The following COL6A6 variants were observed in gnomAD, a reference collection of about 807,000 sequenced individuals.
COL6A6 encodes collagen alpha-6(VI) chain.
Under a neutral mutation model 208.6 loss-of-function variants are expected in COL6A6, and 183 were observed. The ratio of observed to expected loss-of-function variants is 0.88; its 90% CI spans 0.78 to 0.99. COL6A6 has a LOEUF of 0.99. COL6A6 is among the 50% of genes least tolerant of loss of function. The probability of loss-of-function intolerance (pLI) is 0.00; values close to 1 mark genes in which losing one functional copy is unlikely to be tolerated. For synonymous variants in COL6A6, 973 were observed against 1,011.8 expected (o/e 0.96, Z 0.73); for missense variants, 2,816 against 2,815.2 (o/e 1.00, Z -0.01).
At chr3:130,659,701 T>G (rs1258997690) in intron 34 of COL6A6, among the ~76,000 whole-genome samples, 1 of 152,230 alleles carries the variant, frequency 6.6e-6, no homozygotes, top group Non-Finnish European at 1.5e-5. Context: ...GTCTGCAGTT[T>G]ATGAAAAACA....
intron 1 of COL6A6, among the ~76,000 whole-genome samples, chr3:130,559,261 G>A (rs6808583): frequency 0.85 from 129,467 of 152,218 alleles, 55,568 homozygotes; most frequent in African/African-American, 0.9. Flanking sequence ...ACTACACATT[G>A]CCTCCTGACA....
chr3:130,525,219 G>A (rs904374922), intron 1 of COL6A6, among the ~76,000 whole-genome samples: 2 of 151,486 alleles, frequency 1.3e-5, no homozygotes, highest in African/African-American at 4.9e-5. Context: ...TGGAAAATGT[G>A]TGCTTCAAAA....
intron 26 of COL6A6, among the ~76,000 whole-genome samples, chr3:130,634,076 A>G (rs1003403077): frequency 7.7e-5 from 8 of 103,596 alleles, no homozygotes; most frequent in Non-Finnish European, 1.3e-4. Flanking sequence ...AAAAAAAAAA[A>G]TGCCAGTTAC....
chr3:130,593,006 ACTTCT>A, intron 15 of COL6A6, 50 bp from the exon 16 acceptor site: 1 of 1,500,084 alleles, frequency 6.7e-7, no homozygotes, highest in Non-Finnish European at 9.2e-7. Flanking sequence ...TTGGCATCTG[ACTTCT>A]TTACACATGC....
In COL6A6 at chr3:130,675,438, A is replaced by C; in HGVS notation, c.*41A>C. Reference sequence around the variant, plus strand: ...ACTTAGCCTTAGGAAGCATGGTAAGACTCTGGACTTAAATAGTAACTAAAT... The same window carrying C: ...ACTTAGCCTTAGGAAGCATGGTAAGCCTCTGGACTTAAATAGTAACTAAAT... On this transcript the variant is annotated 3_prime_UTR_variant, in exon 37 of 37. Transcript: ENST00000358511. The C allele has an allele frequency of 1.4e-6, 2 of 1,419,880 alleles. No homozygotes were observed. The highest frequency in any genetic ancestry group is 1.9e-6 in the Non-Finnish European group (2 of 1,057,588). The allele number at this position is 1,419,880 out of a possible 1,614,324, so 88.0% of individuals were successfully genotyped here.
intron 24 of COL6A6, among the ~76,000 whole-genome samples, chr3:130,622,344 C>T (rs75902100): frequency 1.1e-4 from 16 of 151,824 alleles, no homozygotes; most frequent in African/African-American, 3.9e-4. Context: ...GTCATTGATT[C>T]CATCCTCCAT....
chr3:130,581,483 C>G (rs1011977725), intron 8 of COL6A6, 78 bp from the exon 9 acceptor site: 1 of 1,026,214 alleles, frequency 9.7e-7, no homozygotes, highest in Non-Finnish European at 1.4e-6. Flanking sequence ...TTCCAAGTCC[C>G]TTGATTCAGA....
At chr3:130,569,247 G>A (rs992463601) in intron 6 of COL6A6, among the ~76,000 whole-genome samples, 16 of 152,186 alleles carry the variant, frequency 1.1e-4, no homozygotes, top group Admixed American at 5.2e-4. Flanking sequence ...TGATGTTTGC[G>A]AAAACACTTT....
chr3:130,564,679 C>T (rs2062973896), intron 3 of COL6A6, among the ~76,000 whole-genome samples: 1 of 152,200 alleles, frequency 6.6e-6, no homozygotes, highest in Non-Finnish European at 1.5e-5. Context: ...AATATGATAG[C>T]AATGGCTATG....
chr3:130,617,522 G>A (rs1451905934), intron 23 of COL6A6, among the ~76,000 whole-genome samples: 1 of 152,174 alleles, frequency 6.6e-6, no homozygotes, highest in Non-Finnish European at 1.5e-5. Flanking sequence ...CAATATGGTT[G>A]GAGTGTAGAA....
chr3:130,615,665 A>G (rs2064495370), intron 23 of COL6A6, among the ~76,000 whole-genome samples: 1 of 152,222 alleles, frequency 6.6e-6, no homozygotes, highest in African/African-American at 2.4e-5. Flanking sequence ...TCGCATTCAT[A>G]TCCTTGAATC....
At position 130,675,282 on chromosome 3, in the gene COL6A6, T is replaced by C. The variant is rs775857081; in HGVS notation, c.6677T>C (p.Leu2226Pro). 6.3e-7 allele frequency: 1 copy of C among 1,587,086 alleles called. No individual in the cohort carries two copies. The highest frequency in any genetic ancestry group is 1.8e-5 in the Admixed American group (1 of 55,906). Residue 2226 changes from leucine to proline, a missense_variant, in exon 37 of 37, where the codon CTT becomes CCT. Transcript: ENST00000358511. ...KAKFFQDKKY[L>P]SRVARSGRDD... ...AAATTCTTTCAAGATAAAAAATATC[T>C]TTCAAGAGTAGCAAGAAGTGGCAGA...
chr3:130,565,228 T>G lies in COL6A6; in HGVS notation c.896T>G (p.Leu299Arg). The G allele has an allele frequency of 6.2e-7, 1 of 1,613,946 alleles. No individual in the cohort carries two copies. Among genetic ancestry groups the G allele is most frequent in the East Asian group, 2.2e-5 (1 of 44,880 alleles). The change falls in exon 4 of 37, where the codon CTT becomes CGT. Residue 299 changes from leucine (L) to arginine (R), a missense_variant. Transcript: ENST00000358511. ...KSEVLQHIQN[L>R]SPRTGKAYTG... ...GAGGTTCTCCAGCATATACAGAACC[T>G]TTCTCCCCGAACTGGGAAGGCCTAT...
chr3:130,634,538 A>G (rs183630802), intron 26 of COL6A6, 52 bp from the exon 27 acceptor site: 67 of 1,497,276 alleles, frequency 4.5e-5, no homozygotes, highest in Non-Finnish European at 5.9e-5. Flanking sequence ...ATCAATGTAG[A>G]CTTCATTGGG....
intron 10 of COL6A6, 87 bp from the exon 11 acceptor site, chr3:130,586,419 A>T: frequency 8.3e-7 from 1 of 1,202,502 alleles, no homozygotes; most frequent in Non-Finnish European, 1.2e-6. Flanking sequence ...GCAGCTGTTC[A>T]CTGAGAATAA....
intron 8 of COL6A6, among the ~76,000 whole-genome samples, chr3:130,580,385 AATTG>A (rs2063391513): frequency 1.3e-5 from 2 of 152,210 alleles, no homozygotes; most frequent in African/African-American, 4.8e-5. Context: ...TCATGATGAA[AATTG>A]ATTATCAAAT....
At chr3:130,546,393 GGTGA>G (rs2062497730) in intron 1 of COL6A6, among the ~76,000 whole-genome samples, 1 of 152,180 alleles carries the variant, frequency 6.6e-6, no homozygotes, top group Non-Finnish European at 1.5e-5. Flanking sequence ...AGATCTTCGA[GGTGA>G]GTGTTTACAG....
chr3:130,548,034 C>G (rs1485209877), intron 1 of COL6A6, among the ~76,000 whole-genome samples: 2 of 152,192 alleles, frequency 1.3e-5, no homozygotes, highest in East Asian at 3.9e-4. Context: ...TTCAGGTGAT[C>G]CGCCTGCCTT....
intron 22 of COL6A6, among the ~76,000 whole-genome samples, chr3:130,609,630 CA>C (rs1443880038): frequency 6.6e-6 from 1 of 151,726 alleles, no homozygotes; most frequent in Non-Finnish European, 1.5e-5. Flanking sequence ...GGTCAGACCA[CA>C]AAAAAGTTAG....
Sources: gnomAD v4.1 joint callset for allele counts (sites outside exome capture counted in the v4.1 genomes callset) on GRCh38, gnomAD v4.1.1 for gene constraint, MANE v1.5 for transcripts, NCBI Gene and HGNC (gene_info 2026-07-23, HGNC 2026-07-21) for gene names.